The following MAX variants were observed in gnomAD, a reference collection of about 807,000 sequenced individuals.
MAX encodes the protein protein max.
A neutral mutation model predicts 22.3 loss-of-function variants in MAX; 3 were observed. That is an observed-to-expected ratio of 0.13 (90% CI 0.06 to 0.35). MAX has a LOEUF of 0.35. MAX is among the 10% of genes least tolerant of loss of function. MAX has a pLI of 1.00. For missense variants in MAX, 119 were observed against 209.4 expected (o/e 0.57, Z 2.66); for synonymous variants, 72 against 77.7 (o/e 0.93, Z 0.39).
At chr14:65,052,661 CAT>C (rs764120094) in intron 3 of MAX, among the ~76,000 whole-genome samples, 21 of 152,156 alleles carry the variant, frequency 1.4e-4, no homozygotes, top group Non-Finnish European at 2.6e-4. Context: ...GCTAGGGTAT[CAT>C]ATGATGCAGG....
At position 65,069,797 on chromosome 14, in the gene MAX, G is replaced by A. The variant is rs1168471189; in HGVS notation, c.171+23911C>T. Reference sequence around the variant, plus strand: ...AAATACTTGCTCACCACCACTCTCTGCACAGAGGTCCCTGGATGGGAAACA... The same window carrying A: ...AAATACTTGCTCACCACCACTCTCTACACAGAGGTCCCTGGATGGGAAACA... On this transcript the variant is annotated intron_variant, in intron 3 of 3. Coordinates refer to the MAX transcript ENST00000341653. The surrounding 1 kb of genome is among the most constrained non-coding windows in gnomAD (Gnocchi z 4.6). Among the ~76,000 whole-genome samples the A allele has an allele frequency of 1.3e-5, 2 of 152,240 alleles. No homozygotes were observed. The highest frequency in any genetic ancestry group is 6.5e-5 in the Admixed American group (1 of 15,292).
Position 65,023,358 on chromosome 14 carries a change from A to G in MAX, c.172-17074T>C, listed in dbSNP as rs912158240. Among the ~76,000 whole-genome samples, 5 of 152,132 alleles carry G rather than the reference A, an allele frequency of 3.3e-5. No homozygotes were observed. Among genetic ancestry groups the G allele is most frequent in the African/African-American group, 1.2e-4 (5 of 41,438 alleles). ...GGCATGAGCCACCACGCCTGGCCAG[A>G]ATCAATCACTTTAGATCAGTCCTCA... On this transcript the variant is annotated intron_variant, in intron 3 of 3. Transcript: ENST00000341653. This position sits in a 1 kb window ranked among gnomAD's most constrained non-coding sequence, Gnocchi z 4.1.
At chr14:65,102,179 G>A in intron 1 of MAX, 125 bp downstream of exon 1, 1 of 1,525,178 alleles carries the variant, frequency 6.6e-7, no homozygotes, top group Non-Finnish European at 8.9e-7. Flanking sequence ...GGCACTCCTG[G>A]CCCCGAGGGG....
intron 3 of MAX, among the ~76,000 whole-genome samples, chr14:65,017,422 A>G (rs1401803329): frequency 6.6e-6 from 1 of 152,166 alleles, no homozygotes; most frequent in African/African-American, 2.4e-5. Flanking sequence ...CCGCAGACCC[A>G]TGAAAAACTG....
chr14:65,035,094 T>G (rs1324663939), intron 3 of MAX, among the ~76,000 whole-genome samples: 1 of 152,246 alleles, frequency 6.6e-6, no homozygotes, highest in Non-Finnish European at 1.5e-5. Flanking sequence ...TTTTCTTCTT[T>G]GACTTTCCTG....
chr14:65,094,307 A>G (rs1486142383), intron 2 of MAX: 1 of 208,624 alleles, frequency 4.8e-6, no homozygotes, highest in African/African-American at 2.3e-5. Flanking sequence ...ATGAGTCCCA[A>G]GCCCACTAAA....
rs911133339 is a variant in MAX at position 65,011,466 on chromosome 14, C to G, written c.172-5182G>C. ...AAAAAAAAAAAAGACTGCATGAAGG[C>G]TCTTACTCTGAGCCAAGTACAGTGG... On this transcript the variant is annotated intron_variant, in intron 3 of 3. Transcript: ENST00000341653. This position sits in a 1 kb window ranked among gnomAD's most constrained non-coding sequence, Gnocchi z 4.0. 6.7e-6 allele frequency among the ~76,000 whole-genome samples: 1 copy of G among 149,642 alleles called. No homozygotes were observed. Among genetic ancestry groups the G allele is most frequent in the Non-Finnish European group, 1.5e-5 (1 of 67,736 alleles).
Position 65,044,483 on chromosome 14 carries a change from C to T in MAX, c.172-38199G>A, listed in dbSNP as rs766520679. 6.4e-7 allele frequency: 1 copy of T among 1,573,230 alleles called. No homozygotes were observed. Among genetic ancestry groups the T allele is most frequent in the Non-Finnish European group, 8.6e-7 (1 of 1,164,606 alleles). On this transcript the variant is annotated intron_variant, in intron 3 of 3. Coordinates refer to the MAX transcript ENST00000341653. The surrounding 1 kb of genome is among the most constrained non-coding windows in gnomAD (Gnocchi z 5.5). ...CTGTTCACTTGGGGCTGGATGATTT[C>T]CCTCCACTACTCACAAAGTCTGGAA... is the stretch of plus-strand genomic sequence containing the variant.
intron 3 of MAX, among the ~76,000 whole-genome samples, chr14:65,008,766 G>A (rs2061636623): frequency 6.6e-6 from 1 of 152,180 alleles, no homozygotes; most frequent in Non-Finnish European, 1.5e-5. Flanking sequence ...TAGTGTGGGT[G>A]GAGGCACATT....
chr14:65,036,470 T>C (rs1242373804), intron 3 of MAX, among the ~76,000 whole-genome samples: 2 of 151,476 alleles, frequency 1.3e-5, no homozygotes, highest in Non-Finnish European at 2.9e-5. Flanking sequence ...CCCCTGAGCT[T>C]AAGCAATCCG....
rs1200136452 is a variant in MAX at position 65,082,205 on chromosome 14, G to C, written c.172-4169C>G. 1 of 152,152 alleles carries C rather than the reference G, an allele frequency of 6.6e-6. No individual in the cohort carries two copies. The highest frequency in any genetic ancestry group is 1.9e-4 in the East Asian group (1 of 5,204). 9.4% of individuals were successfully genotyped at this position (152,152 alleles called of 1,614,324 possible). A position where few individuals can be genotyped will look rare whatever the true frequency, so the allele number is the denominator to read the frequency against. On this transcript the variant is annotated intron_variant, in intron 3 of 4. Coordinates refer to ENST00000358664, the MANE Select transcript of MAX (RefSeq NM_002382.5). The surrounding 1 kb of genome is among the most constrained non-coding windows in gnomAD (Gnocchi z 4.8). ...GACACTCATACTTTGGGAACACAGG[G>C]GAAGCTATGGAACTAATTTAAAAAG... is the stretch of plus-strand genomic sequence containing the variant.
Position 65,082,645 on chromosome 14 carries a change from TG to T in MAX, c.172-4610del, listed in dbSNP as rs1165359378. Among the ~76,000 whole-genome samples the T allele has an allele frequency of 2.0e-5, 3 of 151,974 alleles. No homozygotes were observed. The highest frequency in any genetic ancestry group is 7.3e-5 in the African/African-American group (3 of 41,370). ...AGCTGGGCATGGTGGTACACGAATG[TG>T]GTCCCAGCTACTTGGGAGGCAAAGG... On this transcript the variant is annotated intron_variant, in intron 3 of 4. Coordinates refer to ENST00000358664, the MANE Select transcript of MAX (RefSeq NM_002382.5). The surrounding 1 kb of genome is among the most constrained non-coding windows in gnomAD (Gnocchi z 4.8).
At chr14:65,101,184 C>T (rs1213293628) in intron 2 of MAX, among the ~76,000 whole-genome samples, 1 of 152,222 alleles carries the variant, frequency 6.6e-6, no homozygotes, top group African/African-American at 2.4e-5. Flanking sequence ...CTACTTGTTC[C>T]TAAATAAATC....
intron 3 of MAX, chr14:65,061,282 T>G: frequency 6.2e-7 from 1 of 1,614,074 alleles, no homozygotes; most frequent in Non-Finnish European, 8.5e-7. Flanking sequence ...AGCTTAAGGA[T>G]GAGACATCGG....
Position 65,012,796 on chromosome 14 carries a change from T to C in MAX, c.172-6512A>G, listed in dbSNP as rs2061704854. Among the ~76,000 whole-genome samples, 1 of 152,228 alleles carries C rather than the reference T, an allele frequency of 6.6e-6. No homozygotes were observed. The highest frequency in any genetic ancestry group is 1.5e-5 in the Non-Finnish European group (1 of 68,036). The stretch of plus-strand genomic sequence containing the variant: ...CCTGTTAAGTCTGTATCGTGATGGT[T>C]ACAAATTTTCCAACTTCACCACTCC... On this transcript the variant is annotated intron_variant, in intron 3 of 3. Coordinates refer to the MAX transcript ENST00000341653. The surrounding 1 kb of genome is among the most constrained non-coding windows in gnomAD (Gnocchi z 5.0).
chr14:65,050,020 A>C (rs2062571260), intron 3 of MAX, among the ~76,000 whole-genome samples: 1 of 152,208 alleles, frequency 6.6e-6, no homozygotes, highest in South Asian at 2.1e-4. Flanking sequence ...AATTTTAAAA[A>C]GTTTTAAACT....
At chr14:65,040,913 C>T in intron 3 of MAX, 2 of 1,613,694 alleles carry the variant, frequency 1.2e-6, no homozygotes, top group Non-Finnish European at 1.7e-6. Context: ...ACTTGAAGAG[C>T]TTATTAGTAA....
Position 65,032,658 on chromosome 14 carries a change from T to A in MAX, c.172-26374A>T, listed in dbSNP as rs780554250. 2.0e-5 allele frequency: 32 copies of A among 1,613,808 alleles called. No homozygotes were observed. Among genetic ancestry groups the A allele is most frequent in the African/African-American group, 6.7e-5 (5 of 74,888 alleles). On this transcript the variant is annotated intron_variant, in intron 3 of 3. Transcript: ENST00000341653. The surrounding 1 kb of genome is among the most constrained non-coding windows in gnomAD (Gnocchi z 5.0). The stretch of plus-strand genomic sequence containing the variant: ...TAGCCTCGCTGACCAACATCATCAC[T>A]CCAGACCTCTTTGAGGGCACTGCTG...
At chr14:65,094,916 C>A (rs1269359588) in intron 2 of MAX, among the ~76,000 whole-genome samples, 1 of 152,202 alleles carries the variant, frequency 6.6e-6, no homozygotes, top group Non-Finnish European at 1.5e-5. Context: ...GAGAGCCAGT[C>A]TGTACATGGG....
Sources: gnomAD v4.1 joint callset for allele counts (sites outside exome capture counted in the v4.1 genomes callset) on GRCh38, gnomAD v4.1.1 for gene constraint, Gnocchi (gnomAD v3.1) non-coding constraint, MANE v1.5 for transcripts, NCBI Gene and HGNC (gene_info 2026-07-23, HGNC 2026-07-21) for gene names.